Variants in FERMT2 observed in about 807,000 individuals in gnomAD.
The protein encoded by FERMT2 is fermitin family homolog 2.
A neutral mutation model predicts 82.7 loss-of-function variants in FERMT2; 15 were observed. The observed-to-expected ratio is 0.18, with a 90% CI of 0.12 to 0.28. The LOEUF is 0.28. FERMT2 is among the 10% of genes least tolerant of loss of function. FERMT2 has a pLI of 1.00. For synonymous variants in FERMT2, 274 were observed against 271.5 expected (o/e 1.01, Z -0.09); for missense variants, 645 against 809.4 (o/e 0.80, Z 2.46).
intron 2 of FERMT2, among the ~76,000 whole-genome samples, chr14:52,949,390 G>A (rs4898769): frequency 0.057 from 4,291 of 75,596 alleles, 107 homozygotes; most frequent in South Asian, 0.1. Flanking sequence ...AAAAAAAAAA[G>A]AAAAAAAAAA....
intron 3 of FERMT2, among the ~76,000 whole-genome samples, chr14:52,914,198 A>C (rs1888485890): frequency 6.6e-6 from 1 of 151,578 alleles, no homozygotes; most frequent in Non-Finnish European, 1.5e-5. Flanking sequence ...CCCTGTCTCT[A>C]CAAAAAAAAA....
chr14:52,871,278 C>T (rs1399993415), intron 10 of FERMT2, among the ~76,000 whole-genome samples: 1 of 152,174 alleles, frequency 6.6e-6, no homozygotes, highest in African/African-American at 2.4e-5. Context: ...TTAGTCTTTG[C>T]TCTTCTAAGG....
At chr14:52,918,303 T>C (rs1888739120) in intron 3 of FERMT2, among the ~76,000 whole-genome samples, 1 of 152,198 alleles carries the variant, frequency 6.6e-6, no homozygotes, top group African/African-American at 2.4e-5. Flanking sequence ...CCGATATGTA[T>C]GGACAAATAA....
At chr14:52,930,941 C>T (rs1889538623) in intron 2 of FERMT2, among the ~76,000 whole-genome samples, 1 of 152,144 alleles carries the variant, frequency 6.6e-6, no homozygotes, top group Admixed American at 6.5e-5. Context: ...TTACTCTTGA[C>T]CCCTTTAGGT....
intron 2 of FERMT2, among the ~76,000 whole-genome samples, chr14:52,944,571 A>G (rs1384812019): frequency 2.6e-5 from 4 of 152,222 alleles, no homozygotes; most frequent in Non-Finnish European, 5.9e-5. Flanking sequence ...GAAGCCCCTC[A>G]TGTAAGCCAG....
At chr14:52,937,185 A>G (rs1889883097) in intron 2 of FERMT2, among the ~76,000 whole-genome samples, 1 of 151,908 alleles carries the variant, frequency 6.6e-6, no homozygotes, top group Admixed American at 6.6e-5. Context: ...TAATAATGAT[A>G]ATAATAATAA....
At chr14:52,914,868 G>A (rs1001098073) in intron 3 of FERMT2, among the ~76,000 whole-genome samples, 3 of 151,902 alleles carry the variant, frequency 2.0e-5, no homozygotes, top group Admixed American at 1.3e-4. Context: ...TGCAGTGAGC[G>A]AAGATACCAC....
chr14:52,883,072 C>T (rs1226749851), intron 4 of FERMT2, among the ~76,000 whole-genome samples: 1 of 152,062 alleles, frequency 6.6e-6, no homozygotes, highest in Non-Finnish European at 1.5e-5. Flanking sequence ...GTGGTGCACG[C>T]TATTCGGGAG....
Position 52,874,233 on chromosome 14 carries a change from G to C in FERMT2, c.1099-7C>G. On this transcript the variant is annotated splice_polypyrimidine_tract_variant and splice_region_variant and intron_variant, in intron 8 of 14. Transcript: ENST00000341590. ...GAATGGAAGTAATGTCACCCTAGGA[G>C]AGAGTTAAATCCTTTTTTAATTTTT... is the stretch of plus-strand genomic sequence containing the variant. 1 of 1,570,898 alleles carries C rather than the reference G, an allele frequency of 6.4e-7. No individual in the cohort carries two copies. Among genetic ancestry groups the C allele is most frequent in the Non-Finnish European group, 8.6e-7 (1 of 1,157,906 alleles).
rs1884686801 is a variant in FERMT2 at position 52,858,196 on chromosome 14, T to TAAC, written c.*178_*180dup. On this transcript the variant is annotated 3_prime_UTR_variant, in exon 15 of 15. Coordinates refer to ENST00000341590, the MANE Select transcript of FERMT2 (RefSeq NM_006832.3). ...TGACAAATTCAAGTTTATTATATCA[T>TAAC]AACATGATAGATTAATAGTCGTGCT... is the stretch of plus-strand genomic sequence containing the variant. 1 of 571,002 alleles carries TAAC rather than the reference T, an allele frequency of 1.8e-6. No homozygotes were observed. Among genetic ancestry groups the TAAC allele is most frequent in the African/African-American group, 1.9e-5 (1 of 53,560 alleles). 35.4% of individuals were successfully genotyped at this position (571,002 alleles called of 1,614,324 possible).
At chr14:52,921,802 G>A (rs917345005) in intron 2 of FERMT2, among the ~76,000 whole-genome samples, 5 of 152,082 alleles carry the variant, frequency 3.3e-5, no homozygotes, top group African/African-American at 1.2e-4. Flanking sequence ...TTTGGATTAC[G>A]AATGCTCAAC....
At position 52,945,817 on chromosome 14, in the gene FERMT2, T is replaced by C. The variant is rs116356149; in HGVS notation, c.157+4595A>G. Among the ~76,000 whole-genome samples, 1,405 of 152,314 alleles carry C rather than the reference T, an allele frequency of 9.2e-3. 21 individuals carry two copies. Among genetic ancestry groups the C allele is most frequent in the African/African-American group, 0.032 (1,322 of 41,564 alleles). On this transcript the variant is annotated intron_variant, in intron 2 of 14. Transcript: ENST00000341590. Reference sequence around the variant, plus strand: ...ATTCTCCGTTTAAAATGAATTTTTATAGAAAGGTGGAAATTTAATTGTACA... The same window carrying C: ...ATTCTCCGTTTAAAATGAATTTTTACAGAAAGGTGGAAATTTAATTGTACA...
chr14:52,881,008 A>C, intron 6 of FERMT2, 28 bp downstream of exon 6: 1 of 1,444,382 alleles, frequency 6.9e-7, no homozygotes. Context: ...ATGGGGAAAA[A>C]AAAAAGATCC....
chr14:52,911,377 C>T (rs1008769045), intron 3 of FERMT2, among the ~76,000 whole-genome samples: 2 of 151,926 alleles, frequency 1.3e-5, no homozygotes, highest in African/African-American at 4.8e-5. Flanking sequence ...GTGGGCTGGG[C>T]ACAGTGGCTC....
chr14:52,944,929 T>G (rs1337325039), intron 2 of FERMT2, among the ~76,000 whole-genome samples: 2 of 152,074 alleles, frequency 1.3e-5, no homozygotes, highest in African/African-American at 4.8e-5. Context: ...AGACAGAGTC[T>G]TGCTCTGTTG....
intron 2 of FERMT2, among the ~76,000 whole-genome samples, chr14:52,934,071 A>G (rs570241212): frequency 1.1e-4 from 17 of 152,300 alleles, no homozygotes; most frequent in African/African-American, 3.1e-4. Context: ...TTATGTAACT[A>G]ATTTCCCCAC....
intron 2 of FERMT2, among the ~76,000 whole-genome samples, chr14:52,937,197 G>A (rs1889884010): frequency 6.6e-6 from 1 of 151,960 alleles, no homozygotes; most frequent in African/African-American, 2.4e-5. Flanking sequence ...TAATAATAAA[G>A]ACTGTCTTTA....
chr14:52,861,272 T>A, intron 12 of FERMT2: 1 of 489,902 alleles, frequency 2.0e-6, no homozygotes. Flanking sequence ...CACTCCACAT[T>A]ATTTTAGAAT....
rs532572844 is a variant in FERMT2 at position 52,937,616 on chromosome 14, T to A, written c.157+12796A>T. Among the ~76,000 whole-genome samples, 294 of 152,358 alleles carry A rather than the reference T, an allele frequency of 1.9e-3. 2 individuals are homozygous for A. Among genetic ancestry groups the A allele is most frequent in the Non-Finnish European group, 3.1e-3 (208 of 68,028 alleles). ...CACTTTGTTACTAGCAAGCTGCTCATATTGAGAGCCGGGACTATGCCTCAC... is the reference window on the plus strand; with the variant it reads ...CACTTTGTTACTAGCAAGCTGCTCAAATTGAGAGCCGGGACTATGCCTCAC... On this transcript the variant is annotated intron_variant, in intron 2 of 14. Transcript: ENST00000341590.
Sources: gnomAD v4.1 joint callset for allele counts (sites outside exome capture counted in the v4.1 genomes callset) on GRCh38, gnomAD v4.1.1 for gene constraint, MANE v1.5 for transcripts, NCBI Gene and HGNC (gene_info 2026-07-23, HGNC 2026-07-21) for gene names.